TG: variants seen among roughly 807,000 people sequenced by gnomAD.
The protein encoded by TG is thyroid hormones.
A neutral mutation model predicts 324.7 loss-of-function variants in TG; 270 were observed. That is an observed-to-expected ratio of 0.83 (90% confidence interval 0.75 to 0.92). The LOEUF (loss-of-function observed/expected upper bound fraction) is 0.92, where lower values mean the gene tolerates loss of function less well. Among genes scored for constraint, TG ranks in the 40% least tolerant of loss-of-function variants. The pLI is 0.00. For synonymous variants in TG, 1,401 were observed against 1,327.0 expected, an observed-to-expected ratio of 1.06 and a Z score of -1.21; for missense variants, 3,591 against 3,456.4, an observed-to-expected ratio of 1.04 and a Z score of -0.98.
At chr8:133,050,384 G>C (rs566327549) in intron 41 of TG, 18 of 281,718 alleles carry the variant, frequency 6.4e-5, no homozygotes, top group Non-Finnish European at 1.0e-4. Flanking sequence ...TAGAACTTCT[G>C]TCATGTTCTA....
chr8:132,970,540 A>G (rs1405380432), intron 32 of TG, among the ~76,000 whole-genome samples: 2 of 152,208 alleles, frequency 1.3e-5, no homozygotes, highest in African/African-American at 4.8e-5. Context: ...CCATTGATCT[A>G]TGAAGTGCTC....
chr8:132,967,660 A>T (rs748313548), intron 30 of TG, 134 bp from the exon 31 acceptor site: 2 of 985,836 alleles, frequency 2.0e-6, no homozygotes, highest in Middle Eastern at 4.3e-4. Context: ...CTGGATGATC[A>T]TGACAGTCTC....
chr8:133,086,710 T>C (rs543673168), intron 41 of TG, among the ~76,000 whole-genome samples: 2 of 152,324 alleles, frequency 1.3e-5, no homozygotes, highest in African/African-American at 4.8e-5. Context: ...TATTTACAAT[T>C]TGTAATGCAC....
In TG at chr8:133,001,919, ATGAGTGC is replaced by A. The variant is rs367630130; in HGVS notation, c.6263-9977_6263-9971del. On this transcript the variant is annotated intron_variant, in intron 35 of 47. Transcript: ENST00000220616. ...TTCCATATTCAGGAGCAATCACTTG[ATGAGTGC>A]TGAGCAGCTGAAAGAAATTCCTCTT... 9.9e-4 allele frequency: 973 copies of A among 985,456 alleles called. 10 individuals carry two copies. The African/African-American group carries it at 0.016, about 16-fold the overall frequency. 61.0% of individuals were successfully genotyped at this position (985,456 alleles called of 1,614,324 possible).
chr8:132,907,820 G>C (rs1266828366), intron 17 of TG, among the ~76,000 whole-genome samples: 1 of 152,138 alleles, frequency 6.6e-6, no homozygotes, highest in Admixed American at 6.5e-5. Context: ...AACAACCTTA[G>C]AGAATACCAT....
At chr8:133,045,190 C>G (rs774065468) in intron 41 of TG, 1 of 1,549,168 alleles carries the variant, frequency 6.5e-7, no homozygotes, top group African/African-American at 1.4e-5. Context: ...CAGCCCACCA[C>G]CACTGAGGCA....
intron 41 of TG, among the ~76,000 whole-genome samples, chr8:133,065,910 G>T (rs1481526636): frequency 2.6e-5 from 4 of 152,334 alleles, no homozygotes; most frequent in African/African-American, 7.2e-5. Context: ...GGCAGTGTTT[G>T]GAAGCCCGGG....
chr8:132,891,367 C>G (rs1040127168), intron 10 of TG, among the ~76,000 whole-genome samples: 1 of 152,180 alleles, frequency 6.6e-6, no homozygotes, highest in Admixed American at 6.5e-5. Flanking sequence ...GACAGTCTTG[C>G]TCTGTTGCCT....
intron 45 of TG, among the ~76,000 whole-genome samples, chr8:133,127,487 A>T (rs1015635874): frequency 2.0e-5 from 3 of 152,166 alleles, no homozygotes; most frequent in East Asian, 3.9e-4. Flanking sequence ...CGACCCTAGG[A>T]TTTCTCAGTT....
At chr8:132,913,367 G>T (rs894509245) in intron 20 of TG, 102 bp downstream of exon 20, 12 of 1,215,072 alleles carry the variant, frequency 9.9e-6, no homozygotes, top group Non-Finnish European at 4.8e-6. Flanking sequence ...ATCCAGGGCT[G>T]AGAACCATCC....
chr8:132,898,269 T>A (rs369226702), intron 13 of TG, 23 bp downstream of exon 13: 1 of 1,570,330 alleles, frequency 6.4e-7, no homozygotes, highest in Non-Finnish European at 8.6e-7. Context: ...TGCAGAGTTC[T>A]CCTCCTGACC....
chr8:132,923,254 T>C (rs7011493), intron 21 of TG, 84 bp from the exon 22 acceptor site: 130,619 of 1,484,028 alleles, frequency 0.088, 7,406 homozygotes, highest in African/African-American at 0.26. Flanking sequence ...TTGGACACCT[T>C]GTCAATGACC....
At chr8:132,909,906 G>T (rs1819262903) in intron 18 of TG, among the ~76,000 whole-genome samples, 1 of 152,208 alleles carries the variant, frequency 6.6e-6, no homozygotes, top group Non-Finnish European at 1.5e-5. Context: ...CAGTCTCTCA[G>T]AGGCAAATTC....
At chr8:133,075,992 A>T (rs772497057) in intron 41 of TG, 1 of 152,230 alleles carries the variant, frequency 6.6e-6, no homozygotes, top group African/African-American at 2.4e-5. Context: ...TATTGCATAT[A>T]AAATCTCCCT....
intron 39 of TG, among the ~76,000 whole-genome samples, chr8:133,020,526 G>C (rs1383104230): frequency 3.3e-5 from 5 of 152,134 alleles, no homozygotes; most frequent in Admixed American, 6.5e-5. Flanking sequence ...GGGACACAGG[G>C]CCCCTTCACT....
chr8:132,961,705 G>A (rs890146297), intron 28 of TG, among the ~76,000 whole-genome samples: 2 of 152,166 alleles, frequency 1.3e-5, no homozygotes, highest in Admixed American at 1.3e-4. Flanking sequence ...GCCTCAGGAG[G>A]GAGCAGATAG....
At chr8:132,998,610 G>A (rs565769787) in intron 35 of TG, among the ~76,000 whole-genome samples, 24 of 152,362 alleles carry the variant, frequency 1.6e-4, no homozygotes, top group African/African-American at 5.8e-4. Flanking sequence ...GAGCCACTGA[G>A]GATGGATACC....
chr8:132,952,221 A>G (rs1826205520), intron 27 of TG, among the ~76,000 whole-genome samples: 1 of 152,182 alleles, frequency 6.6e-6, no homozygotes, highest in Non-Finnish European at 1.5e-5. Context: ...AGAGGATTAA[A>G]GAAGAATGTG....
intron 40 of TG, among the ~76,000 whole-genome samples, chr8:133,027,062 G>T (rs1179280812): frequency 6.6e-6 from 1 of 152,192 alleles, no homozygotes; most frequent in Non-Finnish European, 1.5e-5. Context: ...ACCTGGTGGA[G>T]CTGGGACTGC....
Sources: allele counts gnomAD v4.1 joint callset (sites outside exome capture counted in the v4.1 genomes callset), GRCh38; gene constraint gnomAD v4.1.1; transcripts MANE v1.5; gene names NCBI Gene and HGNC (gene_info 2026-07-23, HGNC 2026-07-21).